Variants in USP34 observed in about 807,000 individuals in gnomAD.
USP34 encodes ubiquitin specific peptidase 34.
USP34 carries 70 observed loss-of-function variants against 460.3 expected under a neutral mutation model. The ratio of observed to expected loss-of-function variants is 0.15; its 90% confidence interval spans 0.13 to 0.19. USP34 has a LOEUF of 0.19. Among genes scored for constraint, USP34 ranks in the 10% least tolerant of loss-of-function variants. USP34 has a pLI of 1.00. For synonymous variants in USP34, 1,647 were observed against 1,405.3 expected (o/e 1.17, Z -3.85); for missense variants, 3,985 against 4,236.2 (o/e 0.94, Z 1.65).
chr2:61,366,880 T>C (rs184684760), intron 10 of USP34, among the ~76,000 whole-genome samples: 22 of 152,158 alleles, frequency 1.4e-4, no homozygotes, highest in African/African-American at 5.3e-4. Flanking sequence ...AAGCCTCGTC[T>C]CTGCAAAAAA....
intron 75 of USP34, chr2:61,194,065 A>G: frequency 1.0e-6 from 1 of 973,168 alleles, no homozygotes; most frequent in Non-Finnish European, 1.2e-6. Context: ...GTTATACAAA[A>G]ACAGGCAGCA....
chr2:61,261,309 T>C (rs533837680), intron 43 of USP34, among the ~76,000 whole-genome samples: 229 of 152,294 alleles, frequency 1.5e-3, no homozygotes, highest in Non-Finnish European at 2.1e-3. Context: ...TACAATAAAT[T>C]ATAATTCAGC....
chr2:61,188,007 A>G lies in USP34; in HGVS notation c.*95T>C, dbSNP rs1686490034. The stretch of plus-strand genomic sequence containing the variant: ...TTGCCATTCAAGCAGAGAGCACTGG[A>G]CAAACTGAAGCACAAAAACAAATAA... On this transcript the variant is annotated 3_prime_UTR_variant, in exon 80 of 80. Transcript: ENST00000398571. The G allele has an allele frequency of 1.3e-6, 2 of 1,513,380 alleles. No individual in the cohort carries two copies. The highest frequency in any genetic ancestry group is 8.8e-7 in the Non-Finnish European group (1 of 1,133,346). 93.7% of individuals were successfully genotyped at this position (1,513,380 alleles called of 1,614,324 possible). A position where few individuals can be genotyped will look rare whatever the true frequency, so the allele number is the denominator to read the frequency against.
intron 41 of USP34, among the ~76,000 whole-genome samples, chr2:61,275,980 T>C (rs1235414350): frequency 5.3e-5 from 8 of 152,088 alleles, no homozygotes; most frequent in Admixed American, 5.2e-4. Flanking sequence ...AAATATGATA[T>C]AAAGAGCTGA....
At chr2:61,342,056 C>G (rs1305042907) in intron 16 of USP34, among the ~76,000 whole-genome samples, 2 of 152,100 alleles carry the variant, frequency 1.3e-5, no homozygotes, top group African/African-American at 2.4e-5. Flanking sequence ...AGCCACCGCA[C>G]CAGGCGATTT....
intron 68 of USP34, among the ~76,000 whole-genome samples, chr2:61,212,867 A>G (rs995119517): frequency 6.6e-6 from 1 of 152,192 alleles, no homozygotes; most frequent in African/African-American, 2.4e-5. Flanking sequence ...ACTAGATCAA[A>G]TATTATTTAT....
At chr2:61,331,737 C>A in intron 19 of USP34, among the ~76,000 whole-genome samples, 1 of 151,894 alleles carries the variant, frequency 6.6e-6, no homozygotes. Context: ...AATAAACTTA[C>A]TGCATATATC....
rs542468440 is a variant in USP34, at chr2:61,371,741, C to G, written c.1077-1162G>C. On this transcript the variant is annotated intron_variant, in intron 8 of 79. Coordinates refer to ENST00000398571, the MANE Select transcript of USP34 (RefSeq NM_014709.4). ...TCTTCTCAGCGATCACTCACCAACT[C>G]ACCCAGAGCAACTTCCAGTCCTGCA... is the stretch of plus-strand genomic sequence containing the variant. Among the ~76,000 whole-genome samples the G allele has an allele frequency of 1.1e-4, 16 of 152,312 alleles. No individual in the cohort carries two copies. In the East Asian group the frequency reaches 2.1e-3, roughly 20 times the overall value.
chr2:61,388,278 A>G (rs1693229459), intron 5 of USP34, among the ~76,000 whole-genome samples: 1 of 152,012 alleles, frequency 6.6e-6, no homozygotes, highest in Non-Finnish European at 1.5e-5. Flanking sequence ...CTACTACTAT[A>G]AATCCATTAG....
chr2:61,356,479 A>G (rs12995264), intron 10 of USP34, among the ~76,000 whole-genome samples: 60,134 of 140,218 alleles, frequency 0.43, 12,942 homozygotes, highest in South Asian at 0.69. Flanking sequence ...GAAAGCGCAC[A>G]CACACACACA....
intron 18 of USP34, among the ~76,000 whole-genome samples, chr2:61,339,067 G>C (rs1168458631): frequency 2.0e-5 from 3 of 152,062 alleles, no homozygotes; most frequent in Non-Finnish European, 4.4e-5. Flanking sequence ...TAATCACCAA[G>C]GTGTCCCCAG....
chr2:61,351,891 G>A (rs1449697155), intron 10 of USP34, among the ~76,000 whole-genome samples: 1 of 152,108 alleles, frequency 6.6e-6, no homozygotes, highest in Non-Finnish European at 1.5e-5. Context: ...TGATTTTAAG[G>A]ACAAGTGAAT....
At chr2:61,233,959 G>T (rs1687991692) in intron 57 of USP34, among the ~76,000 whole-genome samples, 1 of 152,084 alleles carries the variant, frequency 6.6e-6, no homozygotes, top group Admixed American at 6.5e-5. Context: ...TATATACTGG[G>T]TGTTTATGGA....
At chr2:61,458,131 A>G (rs1307650705) in intron 1 of USP34, among the ~76,000 whole-genome samples, 1 of 152,196 alleles carries the variant, frequency 6.6e-6, no homozygotes. Flanking sequence ...AAAAAATTAC[A>G]GTTGTAAACA....
intron 10 of USP34, among the ~76,000 whole-genome samples, chr2:61,355,984 A>C (rs1441858043): frequency 6.6e-6 from 1 of 152,198 alleles, no homozygotes; most frequent in Non-Finnish European, 1.5e-5. Context: ...ATACAATTTA[A>C]ATTTTAAAAA....
intron 1 of USP34, among the ~76,000 whole-genome samples, chr2:61,468,298 G>A (rs550515045): frequency 6.6e-6 from 1 of 152,240 alleles, no homozygotes; most frequent in African/African-American, 2.4e-5. Flanking sequence ...AATTCTCCTG[G>A]TCAGCCTCCC....
chr2:61,199,329 C>G (rs1572828887), intron 75 of USP34, among the ~76,000 whole-genome samples: 1 of 152,036 alleles, frequency 6.6e-6, no homozygotes, highest in Non-Finnish European at 1.5e-5. Flanking sequence ...CATCTCGGCT[C>G]ACTGCAACCT....
chr2:61,285,106 T>G (rs1424656594), intron 34 of USP34, 149 bp from the exon 35 acceptor site: 1 of 580,382 alleles, frequency 1.7e-6, no homozygotes, highest in Admixed American at 3.2e-5. Flanking sequence ...TATAACACAA[T>G]AAAGAATGTC....
intron 3 of USP34, among the ~76,000 whole-genome samples, chr2:61,404,207 C>T (rs368630631): frequency 9.5e-4 from 144 of 151,778 alleles, no homozygotes; most frequent in African/African-American, 3.4e-3. Flanking sequence ...TATTATTTCC[C>T]AGATGAAGAA....
Sources: allele counts gnomAD v4.1 joint callset (sites outside exome capture counted in the v4.1 genomes callset), GRCh38; gene constraint gnomAD v4.1.1; transcripts MANE v1.5; gene names NCBI Gene and HGNC (gene_info 2026-07-23, HGNC 2026-07-21).